The following RBFOX1 variants were observed in gnomAD, a reference collection of about 807,000 sequenced individuals.
RBFOX1 encodes RNA binding protein fox-1 homolog 1.
In RBFOX1, 8 loss-of-function variants were observed where a neutral mutation model predicts 57.7. That is an observed-to-expected ratio of 0.14 (90% CI 0.08 to 0.25). The LOEUF (loss-of-function observed/expected upper bound fraction) is 0.25. Ranked by LOEUF, RBFOX1 falls within the 10% of genes least tolerant of loss-of-function variation. The probability of loss-of-function intolerance (pLI) is 1.00; values close to 1 mark genes in which losing one functional copy is unlikely to be tolerated. For missense variants in RBFOX1, 611 were observed against 548.5 expected (o/e 1.11, Z -1.14); for synonymous variants, 326 against 222.4 (o/e 1.47, Z -4.15).
intron 2 of RBFOX1, among the ~76,000 whole-genome samples, chr16:6,641,991 C>T (rs189056686): frequency 5.3e-5 from 8 of 152,190 alleles, no homozygotes; most frequent in Non-Finnish European, 1.0e-4. Context: ...AATGAAAGCA[C>T]CAGGGATTAT....
intron 1 of RBFOX1, among the ~76,000 whole-genome samples, chr16:6,034,063 G>A (rs563263529): frequency 1.5e-4 from 23 of 152,128 alleles, no homozygotes; most frequent in African/African-American, 3.1e-4. Flanking sequence ...GGCCAGGCGC[G>A]GTGGCTCATG....
intron 2 of RBFOX1, among the ~76,000 whole-genome samples, chr16:6,375,509 G>C (rs1186166743): frequency 6.6e-6 from 1 of 151,942 alleles, no homozygotes; most frequent in Non-Finnish European, 1.5e-5. Flanking sequence ...TCTGGGCAGG[G>C]GGAAAATGCC....
rs557186277 is a variant in RBFOX1 at position 6,893,248 on chromosome 16, C to G, written c.-15-158809C>G. 2.3e-3 allele frequency among the ~76,000 whole-genome samples: 346 copies of G among 152,200 alleles called. 2 individuals are homozygous for G. Among genetic ancestry groups the G allele is most frequent in the African/African-American group, 8.1e-3 (335 of 41,524 alleles). The stretch of plus-strand genomic sequence containing the variant: ...GACTGTGGAGGGAACACAGCTTCTC[C>G]CAGAAGAACACCGTGGGAAGTTTGG... On this transcript the variant is annotated intron_variant, in intron 3 of 15. Transcript: ENST00000550418.
At chr16:7,243,368 A>G (rs1428557725) in intron 4 of RBFOX1, among the ~76,000 whole-genome samples, 1 of 152,210 alleles carries the variant, frequency 6.6e-6, no homozygotes, top group East Asian at 1.9e-4. Context: ...AGATGAAGAG[A>G]CATCATGGTC....
At chr16:7,243,104 A>C (rs1044630622) in intron 4 of RBFOX1, among the ~76,000 whole-genome samples, 1 of 152,178 alleles carries the variant, frequency 6.6e-6, no homozygotes, top group African/African-American at 2.4e-5. Context: ...CGTTTTAGGA[A>C]TATCAATATA....
rs1386772163 is a variant in RBFOX1, at chr16:6,214,649, GGGAGAGAGGGAGAA to G, written c.-126-102329_-126-102316del. On this transcript the variant is annotated intron_variant, in intron 1 of 15. Coordinates refer to ENST00000550418, the MANE Select transcript of RBFOX1 (RefSeq NM_018723.4). ...AAAGACAGGGAGAGGGAGAGGGACA[GGGAGAGAGGGAGAA>G]GGAGAGAGGGAGAAGGGGAGAGGGA... Among the ~76,000 whole-genome samples the G allele has an allele frequency of 3.5e-4, 45 of 130,272 alleles. 1 individual carries two copies. In the East Asian group the frequency reaches 7.2e-3, roughly 21 times the overall value. 85.5% of individuals were successfully genotyped at this position (130,272 alleles called of 152,430 possible).
chr16:6,881,876 A>C (rs1419041136), intron 3 of RBFOX1, among the ~76,000 whole-genome samples: 1 of 152,204 alleles, frequency 6.6e-6, no homozygotes, highest in Admixed American at 6.5e-5. Context: ...AACTGTAGTA[A>C]AAGTTTCACA....
intron 2 of RBFOX1, among the ~76,000 whole-genome samples, chr16:5,509,257 A>T (rs1053804931): frequency 4.6e-5 from 7 of 152,196 alleles, no homozygotes; most frequent in Admixed American, 6.5e-5. Context: ...GGAGAGATGA[A>T]TTGGCAATGA....
At chr16:7,123,125 GC>G (rs1357530283) in intron 4 of RBFOX1, among the ~76,000 whole-genome samples, 4 of 152,072 alleles carry the variant, frequency 2.6e-5, no homozygotes, top group Non-Finnish European at 5.9e-5. Context: ...TAATTGCACA[GC>G]CGTTATAAGA....
chr16:5,856,591 AT>A lies in RBFOX1; in HGVS notation c.319-10711del, dbSNP rs2057075426. Among the ~76,000 whole-genome samples the A allele has an allele frequency of 5.2e-5, 5 of 96,084 alleles. 1 individual carries two copies. Among genetic ancestry groups the A allele is most frequent in the East Asian group, 6.7e-4 (2 of 2,984 alleles). The allele number at this position is 96,084 out of a possible 152,430, so 63.0% of individuals were successfully genotyped here. On this transcript the variant is annotated intron_variant, in intron 3 of 19. Coordinates refer to the RBFOX1 transcript ENST00000641259. The stretch of plus-strand genomic sequence containing the variant: ...TGTGTGTGTGTATATATATATATAT[AT>A]ATATATATATATAATCTTAGCCAGA...
At chr16:5,531,325 G>A (rs574760974) in intron 2 of RBFOX1, among the ~76,000 whole-genome samples, 2 of 152,186 alleles carry the variant, frequency 1.3e-5, no homozygotes, top group South Asian at 2.1e-4. Context: ...TAAATCCTGG[G>A]AAATTTAGGC....
chr16:5,539,419 C>T (rs758528966), intron 2 of RBFOX1, among the ~76,000 whole-genome samples: 1 of 151,782 alleles, frequency 6.6e-6, no homozygotes, highest in Non-Finnish European at 1.5e-5. Context: ...ATGACAAAAC[C>T]CTGTCTCTAC....
intron 14 of RBFOX1, among the ~76,000 whole-genome samples, chr16:7,678,642 A>T (rs2073999936): frequency 6.6e-6 from 1 of 152,180 alleles, no homozygotes; most frequent in East Asian, 1.9e-4. Flanking sequence ...GATTACAAAG[A>T]TATGATTTAA....
chr16:7,032,354 A>G (rs1237966224), intron 3 of RBFOX1, among the ~76,000 whole-genome samples: 1 of 152,102 alleles, frequency 6.6e-6, no homozygotes, highest in Non-Finnish European at 1.5e-5. Flanking sequence ...CTGAGGCACA[A>G]GAATTGCTTG....
intron 3 of RBFOX1, among the ~76,000 whole-genome samples, chr16:6,940,013 C>G (rs1171904979): frequency 6.6e-6 from 1 of 152,074 alleles, no homozygotes; most frequent in Admixed American, 6.6e-5. Context: ...TGAAAAGGCA[C>G]AGGTCAGCCT....
intron 3 of RBFOX1, among the ~76,000 whole-genome samples, chr16:5,694,256 C>G (rs887678944): frequency 6.6e-6 from 1 of 152,252 alleles, no homozygotes; most frequent in East Asian, 1.9e-4. Flanking sequence ...GCCTCAATTT[C>G]CAAGACTGTG....
chr16:5,325,689 A>G (rs1264095374), intron 1 of RBFOX1, among the ~76,000 whole-genome samples: 1 of 152,188 alleles, frequency 6.6e-6, no homozygotes, highest in Non-Finnish European at 1.5e-5. Flanking sequence ...TGTAGTATGC[A>G]ACCTTTTCAG....
At chr16:5,326,488 C>T (rs957531112) in intron 1 of RBFOX1, among the ~76,000 whole-genome samples, 2 of 152,220 alleles carry the variant, frequency 1.3e-5, no homozygotes, top group African/African-American at 4.8e-5. Flanking sequence ...ATAACCTCTT[C>T]TGAGCTCTGG....
intron 4 of RBFOX1, among the ~76,000 whole-genome samples, chr16:7,270,459 A>C (rs1694955173): frequency 6.6e-6 from 1 of 152,232 alleles, no homozygotes. Flanking sequence ...CCTTATGGAA[A>C]TGTAAGAAGT....
Sources: allele counts gnomAD v4.1 joint callset (sites outside exome capture counted in the v4.1 genomes callset), GRCh38; gene constraint gnomAD v4.1.1; transcripts MANE v1.5; gene names NCBI Gene and HGNC (gene_info 2026-07-23, HGNC 2026-07-21).